Variants in ARHGAP18 observed in about 807,000 individuals in gnomAD.
The protein encoded by ARHGAP18 is rho GTPase-activating protein 18.
In ARHGAP18, 67 loss-of-function variants were observed where a neutral mutation model predicts 86.2. The observed-to-expected ratio is 0.78, with a 90% CI of 0.64 to 0.95. The LOEUF is 0.95. ARHGAP18 is among the 40% of genes least tolerant of loss of function. ARHGAP18 has a pLI of 0.00. For missense variants in ARHGAP18, 691 were observed against 780.4 expected (o/e 0.89, Z 1.37); for synonymous variants, 283 against 280.4 (o/e 1.01, Z -0.09).
chr6:129,676,913 CTCTTTTTTT>C (rs1247262545), intron 1 of ARHGAP18, among the ~76,000 whole-genome samples: 2 of 34,566 alleles, frequency 5.8e-5, no homozygotes, highest in African/African-American at 1.7e-4. Context: ...ATTTTTTGTC[CTCTTTTTTT>C]TTTTTTTTTT....
chr6:129,597,045 C>T (rs953693021), intron 12 of ARHGAP18, among the ~76,000 whole-genome samples: 3 of 152,172 alleles, frequency 2.0e-5, no homozygotes, highest in African/African-American at 7.2e-5. Context: ...AGTATTTGAA[C>T]TTAGCTTGCA....
In ARHGAP18 at chr6:129,629,442, C is replaced by G. The variant is rs1454764919; in HGVS notation, c.697G>C (p.Glu233Gln). The G allele has an allele frequency of 6.2e-7, 1 of 1,613,868 alleles. No individual in the cohort carries two copies. The change falls in exon 5 of 15, where the codon GAG becomes CAG. Residue 233 changes from glutamate (E) to glutamine (Q), a missense_variant. Transcript: ENST00000368149. ...AGTGCTTGCTCGGCAAATGATACCT[C>G]CAGGTTGATGTCTGTTTCAGGGGCA... ...TPAPETDINLEVSFAEQALNQ... is the reference protein window; with the variant it reads ...TPAPETDINLQVSFAEQALNQ...
chr6:129,653,823 G>GA (rs200680444), intron 1 of ARHGAP18, among the ~76,000 whole-genome samples: 16,513 of 101,532 alleles, frequency 0.16, 1,382 homozygotes, highest in African/African-American at 0.28. Flanking sequence ...AACATTTGAA[G>GA]AAAAAAAAAA....
chr6:129,618,717 G>C lies in ARHGAP18; in HGVS notation c.922C>G (p.Gln308Glu), dbSNP rs1402875561. 7 of 1,604,230 alleles carry C rather than the reference G, an allele frequency of 4.4e-6. No homozygotes were observed. In the African/African-American group the frequency reaches 9.4e-5, roughly 22 times the overall value. The change falls in exon 6 of 15, where the codon CAA becomes GAA. Residue 308 changes from glutamine (Q) to glutamate (E), a missense_variant. Physicochemically the swap from Gln to Glu is conservative, Grantham distance 29 (BLOSUM62 2). Coordinates refer to ENST00000368149, the MANE Select transcript of ARHGAP18 (RefSeq NM_033515.3). ...LYDVLGIELK[Q>E]QKAVKIKTKD... The stretch of plus-strand genomic sequence containing the variant: ...GTTTTGATTTTCACAGCTTTTTGTT[G>C]TTTCAGCTCAATACCCAATACATCA...
Position 129,578,620 on chromosome 6 carries a change from T to G in ARHGAP18, c.1901-16A>C. ...CAGCGTTCCCCTGTTAAAATAGATGTTGTGTCAGTTTAATACAGCAGGTAG... is the reference window on the plus strand; with the variant it reads ...CAGCGTTCCCCTGTTAAAATAGATGGTGTGTCAGTTTAATACAGCAGGTAG... On this transcript the variant is annotated splice_polypyrimidine_tract_variant and intron_variant, in intron 14 of 14. Coordinates refer to ENST00000368149, the MANE Select transcript of ARHGAP18 (RefSeq NM_033515.3). 4.4e-6 allele frequency: 7 copies of G among 1,593,274 alleles called. No individual in the cohort carries two copies. The highest frequency in any genetic ancestry group is 6.0e-6 in the Non-Finnish European group (7 of 1,163,764).
chr6:129,649,881 C>T lies in ARHGAP18; in HGVS notation c.114-7863G>A, dbSNP rs536647007. 6.0e-5 allele frequency among the ~76,000 whole-genome samples: 9 copies of T among 150,500 alleles called. No individual in the cohort carries two copies. The South Asian group carries it at 6.3e-4, about 11-fold the overall frequency. ...GTTTTTTGTTTGTTATTTATCGTTG[C>T]GGCTTTCACTCTACTTCGTCTTCTT... On this transcript the variant is annotated intron_variant, in intron 1 of 14. Transcript: ENST00000368149.
intron 1 of ARHGAP18, among the ~76,000 whole-genome samples, chr6:129,708,665 G>T (rs1401928731): frequency 6.6e-6 from 1 of 152,204 alleles, no homozygotes; most frequent in Non-Finnish European, 1.5e-5. Context: ...GCCTAAAGTC[G>T]GAGAATGTCC....
At chr6:129,683,338 T>C (rs930327687) in intron 1 of ARHGAP18, among the ~76,000 whole-genome samples, 1 of 152,208 alleles carries the variant, frequency 6.6e-6, no homozygotes, top group Non-Finnish European at 1.5e-5. Flanking sequence ...CCCAAAGTGC[T>C]GGGATTACAG....
intron 12 of ARHGAP18, among the ~76,000 whole-genome samples, chr6:129,588,414 C>A (rs903278443): frequency 1.3e-5 from 2 of 152,224 alleles, no homozygotes; most frequent in Non-Finnish European, 2.9e-5. Flanking sequence ...CCATGCCCAG[C>A]CTAACCAAAT....
chr6:129,597,567 A>G (rs562932215), intron 12 of ARHGAP18, among the ~76,000 whole-genome samples: 1 of 152,094 alleles, frequency 6.6e-6, no homozygotes, highest in Non-Finnish European at 1.5e-5. Flanking sequence ...GGCTTCAATC[A>G]CATACCTCTG....
chr6:129,629,297 G>C lies in ARHGAP18; in HGVS notation c.786+56C>G, dbSNP rs1029280177. ...CGTGTGTGTGTATGTATATGTGTGT[G>C]TGTATATATATGTATATGTACATAT... On this transcript the variant is annotated intron_variant, in intron 5 of 14. Transcript: ENST00000368149. The C allele has an allele frequency of 2.2e-6, 3 of 1,392,622 alleles. No individual in the cohort carries two copies. The African/African-American group carries it at 4.3e-5, about 20-fold the overall frequency. 86.3% of individuals were successfully genotyped at this position (1,392,622 alleles called of 1,614,324 possible).
At chr6:129,596,562 C>A (rs1051341405) in intron 12 of ARHGAP18, among the ~76,000 whole-genome samples, 1 of 152,086 alleles carries the variant, frequency 6.6e-6, no homozygotes, top group Non-Finnish European at 1.5e-5. Flanking sequence ...AATTTAAGCT[C>A]TGGAAGAGCA....
At chr6:129,690,338 T>C (rs1019214872) in intron 1 of ARHGAP18, among the ~76,000 whole-genome samples, 2 of 152,222 alleles carry the variant, frequency 1.3e-5, no homozygotes, top group African/African-American at 4.8e-5. Context: ...CTTAAGATAG[T>C]GACAATTAAT....
chr6:129,608,693 G>A (rs1218930511), intron 8 of ARHGAP18, among the ~76,000 whole-genome samples: 1 of 152,000 alleles, frequency 6.6e-6, no homozygotes, highest in Non-Finnish European at 1.5e-5. Context: ...AATTTGTCAG[G>A]CAAATTATTA....
intron 1 of ARHGAP18, among the ~76,000 whole-genome samples, chr6:129,657,165 C>T (rs983964920): frequency 1.3e-5 from 2 of 152,174 alleles, no homozygotes; most frequent in African/African-American, 4.8e-5. Flanking sequence ...GTCCTTGGCA[C>T]AGATACCAAA....
At chr6:129,678,236 A>T (rs1161921076) in intron 1 of ARHGAP18, among the ~76,000 whole-genome samples, 1 of 152,228 alleles carries the variant, frequency 6.6e-6, no homozygotes, top group Non-Finnish European at 1.5e-5. Context: ...TTTACACAAA[A>T]CATGAAATAA....
intron 9 of ARHGAP18, among the ~76,000 whole-genome samples, chr6:129,607,106 C>T (rs957170946): frequency 2.0e-5 from 3 of 151,888 alleles, no homozygotes; most frequent in Non-Finnish European, 4.4e-5. Context: ...GTGATCTGCC[C>T]GCCTCAGCCT....
chr6:129,642,087 C>T (rs1773480304), intron 1 of ARHGAP18, 69 bp from the exon 2 acceptor site: 1 of 1,380,564 alleles, frequency 7.2e-7, no homozygotes, highest in Non-Finnish European at 1.0e-6. Flanking sequence ...TAAGACATCA[C>T]AGCAACAAGC....
At chr6:129,595,936 C>T (rs1284616812) in intron 12 of ARHGAP18, among the ~76,000 whole-genome samples, 1 of 152,122 alleles carries the variant, frequency 6.6e-6, no homozygotes, top group African/African-American at 2.4e-5. Context: ...CTCAATGGCT[C>T]TAACTTCAAA....
Sources: gnomAD v4.1 joint callset for allele counts (sites outside exome capture counted in the v4.1 genomes callset) on GRCh38, gnomAD v4.1.1 for gene constraint, MANE v1.5 for transcripts, NCBI Gene and HGNC (gene_info 2026-07-23, HGNC 2026-07-21) for gene names.